The following MYCT1 variants were observed in gnomAD, a reference collection of about 807,000 sequenced individuals.
MYCT1 encodes myc target protein 1.
MYCT1 carries 12 observed loss-of-function variants against 15.0 expected under a neutral mutation model. The observed-to-expected ratio is 0.80, with a 90% CI of 0.51 to 1.29. The LOEUF (loss-of-function observed/expected upper bound fraction) is 1.29. Ranked by LOEUF, MYCT1 falls within the 50% of genes most tolerant of loss-of-function variation. The pLI, the probability that MYCT1 is intolerant of heterozygous loss-of-function variation, is 0.00. For missense variants in MYCT1, 287 were observed against 279.1 expected (o/e 1.03, Z -0.20); for synonymous variants, 104 against 102.7 (o/e 1.01, Z -0.07).
At chr6:152,708,498 G>A (rs927110153) in intron 1 of MYCT1, among the ~76,000 whole-genome samples, 1 of 151,954 alleles carries the variant, frequency 6.6e-6, no homozygotes, top group African/African-American at 2.4e-5. Context: ...GGATGATATA[G>A]TAAGTCCCTG....
chr6:152,734,407 T>C, the MYCT1 span, among the ~76,000 whole-genome samples: 3 of 152,218 alleles, frequency 2.0e-5, no homozygotes, highest in Admixed American at 1.3e-4. Context: ...GATGCTCATG[T>C]GTGTTAAACA....
intron 1 of MYCT1, among the ~76,000 whole-genome samples, chr6:152,716,716 C>A (rs979724403): frequency 3.3e-5 from 5 of 152,120 alleles, no homozygotes; most frequent in African/African-American, 1.2e-4. Context: ...TGTTATGTGC[C>A]ATCTACTTGC....
chr6:152,706,297 A>T (rs969622372), intron 1 of MYCT1, among the ~76,000 whole-genome samples: 8 of 152,204 alleles, frequency 5.3e-5, no homozygotes, highest in African/African-American at 1.9e-4. Context: ...GACAAACTGT[A>T]TAATGGTTTA....
chr6:152,735,866 T>C, the MYCT1 span, among the ~76,000 whole-genome samples: 1 of 152,140 alleles, frequency 6.6e-6, no homozygotes, highest in Non-Finnish European at 1.5e-5. Context: ...TGAAATTGAA[T>C]GTAAAGGAAT....
the MYCT1 span, among the ~76,000 whole-genome samples, chr6:152,741,626 G>A: frequency 9.1e-4 from 138 of 152,186 alleles, no homozygotes; most frequent in African/African-American, 3.0e-3. Context: ...TTCTAAAGGG[G>A]TAATGAATCA....
At chr6:152,718,615 C>T (rs1447470736) in intron 1 of MYCT1, among the ~76,000 whole-genome samples, 4 of 151,712 alleles carry the variant, frequency 2.6e-5, no homozygotes, top group African/African-American at 4.8e-5. Context: ...ATTTTTTTCT[C>T]GAATCTAAAG....
At chr6:152,728,635 C>A (rs553293934), downstream of MYCT1, among the ~76,000 whole-genome samples, 21 of 152,272 alleles carry the variant, frequency 1.4e-4, no homozygotes, top group Admixed American at 2.6e-4. Context: ...GTGGCTCATG[C>A]CTGTAATCCC....
rs771592502 is a variant in MYCT1, at chr6:152,722,026, A to G, written c.481A>G (p.Ser161Gly). ...EQANSFPRKS[S>G]FRASTFHPFL... ...AGCAAATTCCTTTCCAAGAAAATCA[A>G]GTTTCAGAGCTTCTACTTTCCATCC... is the stretch of plus-strand genomic sequence containing the variant. The change falls in exon 2 of 2, where the codon AGT becomes GGT. Residue 161 changes from serine (S) to glycine (G), a missense_variant. By Grantham distance (56) the Ser-to-Gly change is moderately conservative. Coordinates refer to ENST00000367245, the MANE Select transcript of MYCT1 (RefSeq NM_025107.3). 15 of 1,614,166 alleles carry G rather than the reference A, an allele frequency of 9.3e-6. No homozygotes were observed. The highest frequency in any genetic ancestry group is 1.3e-5 in the Non-Finnish European group (15 of 1,180,022).
At chr6:152,746,533 T>C in the MYCT1 span, among the ~76,000 whole-genome samples, 2 of 152,204 alleles carry the variant, frequency 1.3e-5, no homozygotes, top group Admixed American at 1.3e-4. Flanking sequence ...TGACCACAGG[T>C]AACTGAAATC....
chr6:152,703,592 A>T (rs139052347), intron 1 of MYCT1, among the ~76,000 whole-genome samples: 2 of 125,944 alleles, frequency 1.6e-5, no homozygotes, highest in Non-Finnish European at 3.7e-5. Flanking sequence ...CAGGAATTCA[A>T]TTGTTTTGCA....
At chr6:152,731,283 T>G in the MYCT1 span, among the ~76,000 whole-genome samples, 4 of 151,744 alleles carry the variant, frequency 2.6e-5, no homozygotes, top group South Asian at 2.1e-4. Context: ...TTTAAATTTT[T>G]TGTGTGTGTT....
chr6:152,698,317 G>A (rs1027425714), intron 1 of MYCT1, among the ~76,000 whole-genome samples: 1 of 151,024 alleles, frequency 6.6e-6, no homozygotes, highest in Non-Finnish European at 1.5e-5. Context: ...TGTCTTTATA[G>A]TGTTCTATGA....
chr6:152,705,919 C>T (rs2099722178), intron 1 of MYCT1: 3 of 766,252 alleles, frequency 3.9e-6, no homozygotes, highest in Admixed American at 3.5e-5. Context: ...GGTTACGATG[C>T]TATGGTCAGA....
intron 1 of MYCT1, among the ~76,000 whole-genome samples, chr6:152,708,047 T>C (rs559401025): frequency 9.3e-4 from 141 of 151,826 alleles, no homozygotes; most frequent in Non-Finnish European, 1.8e-3. Context: ...GATTTAGTTA[T>C]ATAAATTTAT....
the MYCT1 span, among the ~76,000 whole-genome samples, chr6:152,734,186 A>G: frequency 6.6e-6 from 1 of 152,142 alleles, no homozygotes; most frequent in Admixed American, 6.5e-5. Flanking sequence ...TTCCTCAATC[A>G]TAAGTATCTT....
chr6:152,719,715 C>T (rs886823718), intron 1 of MYCT1, among the ~76,000 whole-genome samples: 1 of 152,180 alleles, frequency 6.6e-6, no homozygotes, highest in Non-Finnish European at 1.5e-5. Context: ...TAAAATTAGA[C>T]AGCAGTGATT....
downstream of MYCT1, among the ~76,000 whole-genome samples, chr6:152,728,067 G>C (rs893046453): frequency 6.6e-6 from 1 of 151,966 alleles, no homozygotes; most frequent in African/African-American, 2.4e-5. Context: ...GGGAGGCTGA[G>C]GCAGGAGAAT....
chr6:152,738,268 G>A, the MYCT1 span, among the ~76,000 whole-genome samples: 10 of 151,942 alleles, frequency 6.6e-5, no homozygotes, highest in Admixed American at 2.6e-4. Flanking sequence ...ATAGACATAT[G>A]ATTAACATCT....
At chr6:152,730,447 G>T in the MYCT1 span, among the ~76,000 whole-genome samples, 1 of 152,194 alleles carries the variant, frequency 6.6e-6, no homozygotes, top group African/African-American at 2.4e-5. Flanking sequence ...CAATTTTTGC[G>T]TGCCATCCAT....
Sources: gnomAD v4.1 joint callset for allele counts (sites outside exome capture counted in the v4.1 genomes callset) on GRCh38, gnomAD v4.1.1 for gene constraint, MANE v1.5 for transcripts, NCBI Gene and HGNC (gene_info 2026-07-23, HGNC 2026-07-21) for gene names.